Variants in GRID2 observed in about 807,000 individuals in gnomAD.
GRID2 encodes the protein glutamate receptor ionotropic, delta-2.
A neutral mutation model predicts 114.8 loss-of-function variants in GRID2; 33 were observed. The ratio of observed to expected loss-of-function variants is 0.29; its 90% CI spans 0.22 to 0.38. GRID2 has a LOEUF of 0.38. Ranked by LOEUF, GRID2 falls within the 10% of genes least tolerant of loss-of-function variation. The pLI is 1.00. For missense variants in GRID2, 1,184 were observed against 1,257.7 expected (o/e 0.94, Z 0.89); for synonymous variants, 505 against 449.9 (o/e 1.12, Z -1.55).
chr4:93,313,638 A>G lies in GRID2; in HGVS notation c.1245+75148A>G, dbSNP rs550249911. Among the ~76,000 whole-genome samples, 29 of 152,330 alleles carry G rather than the reference A, an allele frequency of 1.9e-4. No homozygotes were observed. The South Asian group carries it at 5.6e-3, about 29-fold the overall frequency. ...CATTCTTAGGATGAGCTCTGACTCA[A>G]ATATTGTTTTATGCTAAGTACTAGT... On this transcript the variant is annotated intron_variant, in intron 8 of 15. Transcript: ENST00000282020.
At chr4:93,173,442 G>A (rs1739042684) in intron 4 of GRID2, among the ~76,000 whole-genome samples, 1 of 152,088 alleles carries the variant, frequency 6.6e-6, no homozygotes, top group Non-Finnish European at 1.5e-5. Context: ...AAGAAAGAGA[G>A]GGAGGGAGGA....
At chr4:92,866,953 A>T (rs1744913270) in intron 2 of GRID2, among the ~76,000 whole-genome samples, 1 of 152,054 alleles carries the variant, frequency 6.6e-6, no homozygotes, top group Non-Finnish European at 1.5e-5. Flanking sequence ...AACAAATTAA[A>T]CCTGTAGTTA....
intron 8 of GRID2, among the ~76,000 whole-genome samples, chr4:93,244,488 T>G (rs1579406342): frequency 8.6e-6 from 1 of 116,210 alleles, no homozygotes; most frequent in East Asian, 2.6e-4. Flanking sequence ...TATTATATAA[T>G]CTATTAATTA....
intron 2 of GRID2, among the ~76,000 whole-genome samples, chr4:92,868,203 A>C (rs17019977): frequency 0.031 from 4,715 of 152,160 alleles, 94 homozygotes; most frequent in Non-Finnish European, 0.041. Flanking sequence ...ACAATCCACA[A>C]TGTGCTAGTT....
chr4:93,107,089 C>T (rs1732310287), intron 3 of GRID2, among the ~76,000 whole-genome samples: 1 of 152,116 alleles, frequency 6.6e-6, no homozygotes, highest in Non-Finnish European at 1.5e-5. Context: ...CGCCTGAGCT[C>T]AGCAGTTCAA....
intron 14 of GRID2, among the ~76,000 whole-genome samples, chr4:93,734,427 G>T (rs765691130): frequency 2.0e-5 from 3 of 151,974 alleles, no homozygotes; most frequent in Non-Finnish European, 4.4e-5. Flanking sequence ...CTGCAAGATT[G>T]TCAGTAGTGA....
chr4:93,523,647 G>T (rs1730549187), intron 13 of GRID2, among the ~76,000 whole-genome samples: 1 of 152,086 alleles, frequency 6.6e-6, no homozygotes, highest in African/African-American at 2.4e-5. Context: ...AGTGTAGGTT[G>T]GCAGGAGGGG....
intron 2 of GRID2, among the ~76,000 whole-genome samples, chr4:92,774,905 G>T (rs1376032525): frequency 6.6e-6 from 1 of 151,922 alleles, no homozygotes; most frequent in East Asian, 1.9e-4. Flanking sequence ...AGTTTGATTT[G>T]ATCTATTCTT....
At chr4:92,420,070 G>A (rs1388282900) in intron 1 of GRID2, among the ~76,000 whole-genome samples, 1 of 152,058 alleles carries the variant, frequency 6.6e-6, no homozygotes, top group Non-Finnish European at 1.5e-5. Context: ...TGTTTGCAGT[G>A]AAGGGATTTT....
chr4:92,480,135 T>A (rs887425318), intron 1 of GRID2, among the ~76,000 whole-genome samples: 1 of 152,132 alleles, frequency 6.6e-6, no homozygotes, highest in African/African-American at 2.4e-5. Flanking sequence ...ACGTATCTTC[T>A]CAGTTCTACT....
intron 8 of GRID2, among the ~76,000 whole-genome samples, chr4:93,320,801 A>C (rs952404576): frequency 6.6e-6 from 1 of 152,140 alleles, no homozygotes; most frequent in Non-Finnish European, 1.5e-5. Context: ...AATTTATGCC[A>C]TATTATTTCA....
chr4:93,376,056 T>C (rs750488144), intron 8 of GRID2, among the ~76,000 whole-genome samples: 19 of 152,142 alleles, frequency 1.2e-4, no homozygotes, highest in Non-Finnish European at 2.5e-4. Context: ...TAATCTCCTC[T>C]TCCTGTAACT....
intron 1 of GRID2, among the ~76,000 whole-genome samples, chr4:93,801,987 C>T (rs1734940578): frequency 6.6e-6 from 1 of 152,090 alleles, no homozygotes; most frequent in South Asian, 2.1e-4. Context: ...GCATGTGTGC[C>T]CCCTCCTACA....
chr4:92,716,698 G>A (rs895957796), intron 2 of GRID2, among the ~76,000 whole-genome samples: 3 of 152,152 alleles, frequency 2.0e-5, no homozygotes. Flanking sequence ...ATAGGGAGTT[G>A]CCTTAGTGGT....
intron 4 of GRID2, among the ~76,000 whole-genome samples, chr4:93,165,398 T>G (rs1341284511): frequency 6.6e-6 from 1 of 151,936 alleles, no homozygotes; most frequent in African/African-American, 2.4e-5. Context: ...AAGATTAGAA[T>G]AAATGAATCT....
At chr4:93,033,407 C>T (rs528720292) in intron 2 of GRID2, among the ~76,000 whole-genome samples, 1 of 152,230 alleles carries the variant, frequency 6.6e-6, no homozygotes, top group African/African-American at 2.4e-5. Flanking sequence ...TTGTCCTCCC[C>T]TCGTGAAGTC....
At chr4:92,600,598 C>G (rs998021664) in intron 2 of GRID2, among the ~76,000 whole-genome samples, 12 of 152,036 alleles carry the variant, frequency 7.9e-5, no homozygotes, top group African/African-American at 2.9e-4. Flanking sequence ...TTGTTGCTGC[C>G]TTCTGTTGTT....
At chr4:93,572,756 G>A (rs1434064012) in intron 13 of GRID2, among the ~76,000 whole-genome samples, 1 of 152,080 alleles carries the variant, frequency 6.6e-6, no homozygotes, top group African/African-American at 2.4e-5. Flanking sequence ...CACACCCACA[G>A]TAGCATTTAT....
chr4:93,172,305 A>T (rs549755659), intron 4 of GRID2, among the ~76,000 whole-genome samples: 12 of 152,280 alleles, frequency 7.9e-5, no homozygotes, highest in Admixed American at 6.5e-4. Context: ...GAAAATAATG[A>T]GAATTGGCCA....
Sources: allele counts gnomAD v4.1 joint callset (sites outside exome capture counted in the v4.1 genomes callset), GRCh38; gene constraint gnomAD v4.1.1; transcripts MANE v1.5; gene names NCBI Gene and HGNC (gene_info 2026-07-23, HGNC 2026-07-21).